The following NXPH2 variants were observed in gnomAD, a reference collection of about 807,000 sequenced individuals.
NXPH2 encodes neurexophilin-2.
Under a neutral mutation model 19.8 loss-of-function variants are expected in NXPH2, and 5 were observed. The observed-to-expected ratio is 0.25, with a 90% CI of 0.13 to 0.53. NXPH2 has a LOEUF of 0.53. NXPH2 is among the 20% of genes least tolerant of loss of function. The pLI, the probability that NXPH2 is intolerant of heterozygous loss-of-function variation, is 0.96. For synonymous variants in NXPH2, 154 were observed against 127.4 expected (o/e 1.21, Z -1.41); for missense variants, 289 against 322.8 (o/e 0.90, Z 0.80).
chr2:138,703,261 T>C (rs1680959163), intron 1 of NXPH2, among the ~76,000 whole-genome samples: 2 of 152,142 alleles, frequency 1.3e-5, no homozygotes, highest in South Asian at 4.2e-4. Flanking sequence ...TCAGAGATCA[T>C]CAGTAAAATA....
chr2:138,738,558 T>C (rs1681589348), intron 1 of NXPH2, among the ~76,000 whole-genome samples: 1 of 152,156 alleles, frequency 6.6e-6, no homozygotes, highest in Non-Finnish European at 1.5e-5. Context: ...GATAAATGGG[T>C]CTTTTGTTCG....
At chr2:138,760,243 G>A (rs952943380) in intron 1 of NXPH2, among the ~76,000 whole-genome samples, 1 of 151,980 alleles carries the variant, frequency 6.6e-6, no homozygotes, top group South Asian at 2.1e-4. Context: ...GCTACCTCCC[G>A]CCAACTACTA....
Position 138,671,513 on chromosome 2 carries a change from G to A in NXPH2, c.204C>T (p.Pro68=), listed in dbSNP as rs1001554272. 4 of 1,613,948 alleles carry A rather than the reference G, an allele frequency of 2.5e-6. No individual in the cohort carries two copies. The highest frequency in any genetic ancestry group is 1.1e-5 in the South Asian group (1 of 91,072). The change falls in exon 2 of 2, where the codon CCC becomes CCT. Residue 68 remains proline, a synonymous_variant. Coordinates refer to ENST00000272641, the MANE Select transcript of NXPH2 (RefSeq NM_007226.3). Reference sequence around the variant, plus strand: ...TGCTGTCTGCGTACGCCATGGGGCCGGGCTTGGGCACCGGAGACTGTTTAA... The same window carrying A: ...TGCTGTCTGCGTACGCCATGGGGCCAGGCTTGGGCACCGGAGACTGTTTAA... ...LFVKQSPVPK[P]GPMAYADSME... is the part of the protein sequence containing the mutation.
intron 1 of NXPH2, among the ~76,000 whole-genome samples, chr2:138,692,841 T>A (rs1680764517): frequency 6.6e-6 from 1 of 152,154 alleles, no homozygotes; most frequent in African/African-American, 2.4e-5. Flanking sequence ...CTGTTCTCAC[T>A]CCTCAATTCA....
intron 1 of NXPH2, among the ~76,000 whole-genome samples, chr2:138,731,866 G>T (rs539547790): frequency 6.6e-6 from 1 of 152,064 alleles, no homozygotes; most frequent in East Asian, 1.9e-4. Flanking sequence ...GAAATAATAC[G>T]TTTTGGGCCC....
At chr2:138,706,974 TA>T (rs1183151931) in intron 1 of NXPH2, among the ~76,000 whole-genome samples, 3 of 151,258 alleles carry the variant, frequency 2.0e-5, no homozygotes, top group Admixed American at 1.3e-4. Flanking sequence ...ATGGGTCTCT[TA>T]AAAAATTGCT....
At chr2:138,748,771 G>A (rs74736163) in intron 1 of NXPH2, among the ~76,000 whole-genome samples, 1 of 152,010 alleles carries the variant, frequency 6.6e-6, no homozygotes, top group East Asian at 1.9e-4. Flanking sequence ...GCACATTATT[G>A]CAAAGCTAAT....
At chr2:138,712,442 G>A (rs1477959322) in intron 1 of NXPH2, among the ~76,000 whole-genome samples, 2 of 152,098 alleles carry the variant, frequency 1.3e-5, no homozygotes, top group African/African-American at 4.8e-5. Context: ...TGTCCTCTCT[G>A]GGTTGACCAC....
At chr2:138,683,972 GAC>G (rs1680612826) in intron 1 of NXPH2, among the ~76,000 whole-genome samples, 3 of 152,130 alleles carry the variant, frequency 2.0e-5, no homozygotes, top group Admixed American at 1.3e-4. Flanking sequence ...TAAGTTCAGT[GAC>G]AGTTTACAAA....
intron 1 of NXPH2, among the ~76,000 whole-genome samples, chr2:138,702,665 G>T (rs1340153601): frequency 6.6e-6 from 1 of 151,904 alleles, no homozygotes; most frequent in South Asian, 2.1e-4. Flanking sequence ...GAAGCCAGAG[G>T]GATGACTATT....
At chr2:138,695,032 T>C (rs1680808887) in intron 1 of NXPH2, among the ~76,000 whole-genome samples, 2 of 152,166 alleles carry the variant, frequency 1.3e-5, no homozygotes, top group African/African-American at 4.8e-5. Flanking sequence ...TATCTAAACA[T>C]GTCTAAGCAT....
At chr2:138,681,544 G>A (rs1458842001) in intron 1 of NXPH2, among the ~76,000 whole-genome samples, 1 of 152,142 alleles carries the variant, frequency 6.6e-6, no homozygotes, top group Non-Finnish European at 1.5e-5. Context: ...CTATTTTATA[G>A]TACACCAAAA....
rs1553483603 is a variant in NXPH2 at position 138,723,930 on chromosome 2, A to ATTTC, written c.52-52269_52-52266dup. On this transcript the variant is annotated intron_variant, in intron 1 of 1. Transcript: ENST00000272641. ...TTGCTCCTAAACCATTCGGGTCATA[A>ATTTC]TTTCTTTTTTTTTTTTTTAACTTTT... Among the ~76,000 whole-genome samples the ATTTC allele has an allele frequency of 2.2e-4, 6 of 27,690 alleles. No homozygotes were observed. In the East Asian group the frequency reaches 6.2e-3, roughly 28 times the overall value. 18.2% of individuals were successfully genotyped at this position (27,690 alleles called of 152,430 possible).
intron 1 of NXPH2, among the ~76,000 whole-genome samples, chr2:138,695,256 G>A (rs1680813047): frequency 6.6e-6 from 1 of 151,984 alleles, no homozygotes; most frequent in African/African-American, 2.4e-5. Context: ...AAACAAAAAT[G>A]GTTTTCTAAA....
intron 1 of NXPH2, among the ~76,000 whole-genome samples, chr2:138,715,798 C>A (rs1289951944): frequency 6.6e-6 from 1 of 152,136 alleles, no homozygotes; most frequent in Non-Finnish European, 1.5e-5. Flanking sequence ...CTTCCCAGGT[C>A]CAGGATGTTT....
At chr2:138,740,545 A>G (rs1681625615) in intron 1 of NXPH2, among the ~76,000 whole-genome samples, 1 of 152,194 alleles carries the variant, frequency 6.6e-6, no homozygotes, top group Non-Finnish European at 1.5e-5. Context: ...TACTAAGCCA[A>G]TCACATCAGA....
chr2:138,778,846 C>T (rs1242948288), intron 1 of NXPH2, among the ~76,000 whole-genome samples: 1 of 152,176 alleles, frequency 6.6e-6, no homozygotes, highest in Non-Finnish European at 1.5e-5. Context: ...TATGTGATGG[C>T]TCATTCAAGG....
At chr2:138,775,086 G>A (rs1207926962) in intron 1 of NXPH2, among the ~76,000 whole-genome samples, 1 of 152,174 alleles carries the variant, frequency 6.6e-6, no homozygotes, top group African/African-American at 2.4e-5. Context: ...TGCTACTGAA[G>A]TGAGCACAAG....
At chr2:138,736,788 C>T (rs959547955) in intron 1 of NXPH2, among the ~76,000 whole-genome samples, 9 of 152,280 alleles carry the variant, frequency 5.9e-5, no homozygotes, top group East Asian at 5.8e-4. Context: ...TAACAGCATC[C>T]GAGTCACATC....
Sources: allele counts gnomAD v4.1 joint callset (sites outside exome capture counted in the v4.1 genomes callset), GRCh38; gene constraint gnomAD v4.1.1; transcripts MANE v1.5; gene names NCBI Gene and HGNC (gene_info 2026-07-23, HGNC 2026-07-21).